GRID2: variants seen among roughly 807,000 people sequenced by gnomAD.
GRID2 encodes glutamate receptor ionotropic, delta-2.
In GRID2, 33 loss-of-function variants were observed where a neutral mutation model predicts 114.8. That is an observed-to-expected ratio of 0.29 (90% CI 0.22 to 0.38). The LOEUF (loss-of-function observed/expected upper bound fraction) is 0.38, where lower values mean the gene tolerates loss of function less well. GRID2 is among the 10% of genes least tolerant of loss of function. The pLI is 1.00. For synonymous variants in GRID2, 505 were observed against 449.9 expected (o/e 1.12, Z -1.55); for missense variants, 1,184 against 1,257.7 (o/e 0.94, Z 0.89).
At chr4:92,366,309 G>T (rs1461636010) in intron 1 of GRID2, among the ~76,000 whole-genome samples, 1 of 151,950 alleles carries the variant, frequency 6.6e-6, no homozygotes, top group South Asian at 2.1e-4. Flanking sequence ...ATAGAATGGT[G>T]TAAGATCTCT....
intron 8 of GRID2, among the ~76,000 whole-genome samples, chr4:93,289,985 C>T (rs1410495741): frequency 6.6e-6 from 1 of 152,130 alleles, no homozygotes; most frequent in African/African-American, 2.4e-5. Context: ...AGATAGAGTT[C>T]AGACAGTTAC....
At chr4:92,535,074 T>C (rs1448988766) in intron 1 of GRID2, among the ~76,000 whole-genome samples, 4 of 152,178 alleles carry the variant, frequency 2.6e-5, no homozygotes, top group African/African-American at 7.2e-5. Flanking sequence ...TTCTCTACCT[T>C]ATATGGGCTA....
At chr4:93,133,090 ACCATCAACTATT>A (rs1012447047) in intron 4 of GRID2, among the ~76,000 whole-genome samples, 2 of 152,160 alleles carry the variant, frequency 1.3e-5, no homozygotes, top group Non-Finnish European at 2.9e-5. Flanking sequence ...AGGAAATTAT[ACCATCAACTATT>A]CCATCAACTA....
chr4:92,842,288 G>T (rs1161975138), intron 2 of GRID2, among the ~76,000 whole-genome samples: 1 of 152,104 alleles, frequency 6.6e-6, no homozygotes, highest in Non-Finnish European at 1.5e-5. Context: ...TTGAAGCATA[G>T]TGATTACAAA....
At position 93,485,247 on chromosome 4, in the gene GRID2, T is replaced by C. The variant is rs116378130; in HGVS notation, c.1859-5392T>C. 6.5e-3 allele frequency among the ~76,000 whole-genome samples: 992 copies of C among 151,958 alleles called. 14 individuals carry two copies. Among genetic ancestry groups the C allele is most frequent in the African/African-American group, 0.022 (929 of 41,534 alleles). On this transcript the variant is annotated intron_variant, in intron 11 of 15. Transcript: ENST00000282020. The stretch of plus-strand genomic sequence containing the variant: ...CACCTATCCATTTTTCTGATTGTTG[T>C]CTCATTTATTCTTATAGATTTATAG...
chr4:93,209,274 G>A (rs370649862), intron 5 of GRID2, among the ~76,000 whole-genome samples: 1 of 151,724 alleles, frequency 6.6e-6, no homozygotes, highest in Non-Finnish European at 1.5e-5. Flanking sequence ...AGTAGACCCC[G>A]AAGTGTGTTG....
intron 1 of GRID2, among the ~76,000 whole-genome samples, chr4:92,489,258 C>G (rs1345934157): frequency 6.6e-6 from 1 of 151,908 alleles, no homozygotes; most frequent in Admixed American, 6.6e-5. Flanking sequence ...CTTAAAAACT[C>G]AACAGAAATA....
At chr4:92,764,588 C>T (rs1041923746) in intron 2 of GRID2, among the ~76,000 whole-genome samples, 3 of 152,174 alleles carry the variant, frequency 2.0e-5, no homozygotes, top group African/African-American at 4.8e-5. Context: ...TATCCCACTC[C>T]GTATTACCCT....
At chr4:92,910,929 T>TCATGGATATGGAACC (rs140502231) in intron 2 of GRID2, among the ~76,000 whole-genome samples, 3,434 of 152,202 alleles carry the variant, frequency 0.023, 62 homozygotes, top group East Asian at 0.052. Context: ...ATCTATGAAT[T>TCATGGATATGGAACC]CATGGATATG....
At chr4:92,709,012 G>C (rs1019466221) in intron 2 of GRID2, among the ~76,000 whole-genome samples, 1 of 152,140 alleles carries the variant, frequency 6.6e-6, no homozygotes, top group African/African-American at 2.4e-5. Context: ...CCAGGAAATA[G>C]AACTCACAGG....
chr4:92,983,462 AG>A (rs1329549330), intron 2 of GRID2, among the ~76,000 whole-genome samples: 1 of 152,136 alleles, frequency 6.6e-6, no homozygotes, highest in Non-Finnish European at 1.5e-5. Flanking sequence ...AATTTTGGTG[AG>A]GACATATTCA....
chr4:93,076,644 GTC>G (rs1729337123), intron 2 of GRID2, among the ~76,000 whole-genome samples: 3 of 123,322 alleles, frequency 2.4e-5, no homozygotes, highest in Non-Finnish European at 4.8e-5. Context: ...TAATGACAGA[GTC>G]TCTCTCTGTC....
chr4:93,496,558 G>A (rs1727568259), intron 12 of GRID2, among the ~76,000 whole-genome samples: 1 of 151,636 alleles, frequency 6.6e-6, no homozygotes. Context: ...CCCAACCTCT[G>A]GTAACTTACT....
At chr4:93,765,608 TTATATATA>T (rs66550272) in intron 14 of GRID2, among the ~76,000 whole-genome samples, 2 of 29,502 alleles carry the variant, frequency 6.8e-5, no homozygotes, top group African/African-American at 2.4e-4. Context: ...AGGTGAGGTA[TTATATATA>T]TATATATATA....
chr4:93,561,556 A>G (rs1734929144), intron 13 of GRID2, among the ~76,000 whole-genome samples: 1 of 152,130 alleles, frequency 6.6e-6, no homozygotes, highest in Admixed American at 6.6e-5. Context: ...TCCAAAGTCC[A>G]CAGTTCATGT....
At chr4:93,190,687 A>G (rs1444208078) in intron 4 of GRID2, among the ~76,000 whole-genome samples, 1 of 152,104 alleles carries the variant, frequency 6.6e-6, no homozygotes, top group Non-Finnish European at 1.5e-5. Flanking sequence ...GAGAGAAAAT[A>G]CACAATTTAG....
At chr4:93,029,439 C>A (rs1288242343) in intron 2 of GRID2, among the ~76,000 whole-genome samples, 2 of 151,852 alleles carry the variant, frequency 1.3e-5, no homozygotes, top group Non-Finnish European at 2.9e-5. Flanking sequence ...ATTGTTGTTC[C>A]TTTTATTGAC....
chr4:93,023,753 G>T (rs1226330570), intron 2 of GRID2, among the ~76,000 whole-genome samples: 1 of 151,694 alleles, frequency 6.6e-6, no homozygotes, highest in Non-Finnish European at 1.5e-5. Flanking sequence ...AATATGATGG[G>T]TGTTACATTT....
At chr4:92,664,660 A>G (rs1347552423) in intron 2 of GRID2, among the ~76,000 whole-genome samples, 1 of 150,018 alleles carries the variant, frequency 6.7e-6, no homozygotes, top group African/African-American at 2.4e-5. Context: ...CTACTTTTAT[A>G]GAACTGTCTA....
Sources: gnomAD v4.1 joint callset for allele counts (sites outside exome capture counted in the v4.1 genomes callset) on GRCh38, gnomAD v4.1.1 for gene constraint, MANE v1.5 for transcripts, NCBI Gene and HGNC (gene_info 2026-07-23, HGNC 2026-07-21) for gene names.